Variants in TNFSF4 observed in about 807,000 individuals in gnomAD.
TNFSF4 encodes tumor necrosis factor ligand superfamily member 4.
A neutral mutation model predicts 7.3 loss-of-function variants in TNFSF4; 4 were observed. The observed-to-expected ratio is 0.55, with a 90% CI of 0.27 to 1.25. TNFSF4 has a LOEUF of 1.25. Ranked by LOEUF, TNFSF4 falls within the 50% of genes most tolerant of loss-of-function variation. TNFSF4 has a pLI of 0.12. For missense variants in TNFSF4, 181 were observed against 208.8 expected (o/e 0.87, Z 0.82); for synonymous variants, 76 against 83.7 (o/e 0.91, Z 0.50).
upstream of TNFSF4, among the ~76,000 whole-genome samples, chr1:173,211,065 T>C (rs144634045): frequency 5.3e-5 from 8 of 152,326 alleles, no homozygotes; most frequent in East Asian, 1.2e-3. Context: ...GAGTCTGCAA[T>C]GATTCAAGTG....
At chr1:173,220,367 A>T in the TNFSF4 span, among the ~76,000 whole-genome samples, 2 of 152,160 alleles carry the variant, frequency 1.3e-5, no homozygotes, top group Non-Finnish European at 2.9e-5. Context: ...TACTTTGCTC[A>T]TTTGCACATT....
chr1:173,297,254 T>G, the TNFSF4 span, among the ~76,000 whole-genome samples: 1 of 151,876 alleles, frequency 6.6e-6, no homozygotes, highest in Non-Finnish European at 1.5e-5. Context: ...TAATGATATG[T>G]TAGACCTTGT....
chr1:173,339,132 T>G, the TNFSF4 span, among the ~76,000 whole-genome samples: 1 of 152,264 alleles, frequency 6.6e-6, no homozygotes, highest in African/African-American at 2.4e-5. Flanking sequence ...TGGCTCACGC[T>G]TGTAATCCCA....
the TNFSF4 span, among the ~76,000 whole-genome samples, chr1:173,237,665 A>C: frequency 1.3e-5 from 2 of 152,214 alleles, no homozygotes; most frequent in African/African-American, 4.8e-5. Flanking sequence ...CAATTGCCAC[A>C]AAAAGGATAA....
the TNFSF4 span, among the ~76,000 whole-genome samples, chr1:173,178,611 A>G: frequency 6.6e-6 from 1 of 152,088 alleles, no homozygotes; most frequent in African/African-American, 2.4e-5. Context: ...AATAAGTTGA[A>G]TATCAGTTTT....
chr1:173,400,553 G>A, the TNFSF4 span, among the ~76,000 whole-genome samples: 2 of 152,170 alleles, frequency 1.3e-5, no homozygotes, highest in African/African-American at 4.8e-5. Context: ...CCATTGAATT[G>A]GAAATTAAAA....
the TNFSF4 span, among the ~76,000 whole-genome samples, chr1:173,297,195 AG>A: frequency 1.3e-5 from 2 of 151,976 alleles, no homozygotes; most frequent in Admixed American, 1.3e-4. Flanking sequence ...TTAGGGAGAC[AG>A]GGCAGACTTC....
the TNFSF4 span, among the ~76,000 whole-genome samples, chr1:173,315,550 G>A: frequency 1.1e-4 from 16 of 152,060 alleles, no homozygotes; most frequent in Non-Finnish European, 1.9e-4. Context: ...CATATGTGGA[G>A]GCAAAAAAAA....
At chr1:173,340,607 G>A in the TNFSF4 span, among the ~76,000 whole-genome samples, 2 of 152,118 alleles carry the variant, frequency 1.3e-5, no homozygotes, top group Non-Finnish European at 2.9e-5. Context: ...GGAGAGATTG[G>A]TCGACCTCAA....
chr1:173,201,556 C>A (rs887397656), intron 1 of TNFSF4, among the ~76,000 whole-genome samples: 3 of 152,202 alleles, frequency 2.0e-5, no homozygotes, highest in Non-Finnish European at 4.4e-5. Context: ...CTCACCACAA[C>A]CAAATTCCAG....
At chr1:173,202,054 T>C (rs1230746659) in intron 1 of TNFSF4, among the ~76,000 whole-genome samples, 1 of 148,300 alleles carries the variant, frequency 6.7e-6, no homozygotes, top group Non-Finnish European at 1.5e-5. Flanking sequence ...GCTATATATA[T>C]ATACATATAT....
chr1:173,257,601 G>A, the TNFSF4 span, among the ~76,000 whole-genome samples: 1 of 152,176 alleles, frequency 6.6e-6, no homozygotes, highest in African/African-American at 2.4e-5. Context: ...TATTTTTAAA[G>A]TTTTATTAAA....
At chr1:173,437,853 T>C in the TNFSF4 span, among the ~76,000 whole-genome samples, 2 of 152,294 alleles carry the variant, frequency 1.3e-5, no homozygotes, top group South Asian at 4.1e-4. Flanking sequence ...AAAATATTCT[T>C]AGTTTTCTTA....
At chr1:173,217,571 G>T in the TNFSF4 span, among the ~76,000 whole-genome samples, 1 of 152,172 alleles carries the variant, frequency 6.6e-6, no homozygotes, top group Non-Finnish European at 1.5e-5. Context: ...AATTGACCAT[G>T]ATGAGAGTAT....
At chr1:173,294,984 G>T in the TNFSF4 span, among the ~76,000 whole-genome samples, 1 of 151,932 alleles carries the variant, frequency 6.6e-6, no homozygotes, top group Non-Finnish European at 1.5e-5. Context: ...ACAAATCTCT[G>T]ATGAACACAT....
At chr1:173,419,987 C>T in the TNFSF4 span, among the ~76,000 whole-genome samples, 1 of 152,056 alleles carries the variant, frequency 6.6e-6, no homozygotes, top group African/African-American at 2.4e-5. Context: ...ACCTTTCCCC[C>T]GATTTTTACC....
At chr1:173,243,512 C>CT in the TNFSF4 span, among the ~76,000 whole-genome samples, 1,619 of 152,318 alleles carry the variant, frequency 0.011, 10 homozygotes, top group Non-Finnish European at 0.017. Context: ...TGTAATTGGT[C>CT]TGTTACTATG....
the TNFSF4 span, among the ~76,000 whole-genome samples, chr1:173,308,853 A>T: frequency 3.3e-5 from 5 of 152,076 alleles, no homozygotes; most frequent in East Asian, 9.7e-4. Flanking sequence ...CGTCCTCATA[A>T]GACCTGGATC....
At chr1:173,260,101 G>A in the TNFSF4 span, among the ~76,000 whole-genome samples, 4 of 152,028 alleles carry the variant, frequency 2.6e-5, no homozygotes, top group Admixed American at 6.5e-5. Context: ...GAAAGGACAG[G>A]TCACCTACAA....
Sources: gnomAD v4.1 joint callset for allele counts (sites outside exome capture counted in the v4.1 genomes callset) on GRCh38, gnomAD v4.1.1 for gene constraint, MANE v1.5 for transcripts, NCBI Gene and HGNC (gene_info 2026-07-23, HGNC 2026-07-21) for gene names.